Variants in WWOX observed in about 807,000 individuals in gnomAD.
The protein encoded by WWOX is WW domain-containing oxidoreductase.
Under a neutral mutation model 46.2 loss-of-function variants are expected in WWOX, and 69 were observed. That is an observed-to-expected ratio of 1.49 (90% confidence interval 1.23 to 1.82). The LOEUF is 1.82. Ranked by LOEUF, WWOX falls within the 40% of genes most tolerant of loss-of-function variation. The pLI is 0.00. For synonymous variants in WWOX, 359 were observed against 202.6 expected (o/e 1.77, Z -6.56); for missense variants, 919 against 542.6 (o/e 1.69, Z -6.89).
At chr16:78,211,665 C>T (rs1597357372) in intron 5 of WWOX, among the ~76,000 whole-genome samples, 2 of 152,140 alleles carry the variant, frequency 1.3e-5, no homozygotes, top group Admixed American at 1.3e-4. Context: ...AACTCTGTTA[C>T]CAACACCGTA....
intron 8 of WWOX, among the ~76,000 whole-genome samples, chr16:78,887,027 C>G (rs984971244): frequency 2.7e-5 from 4 of 149,704 alleles, no homozygotes; most frequent in Admixed American, 6.7e-5. Context: ...CAAACCTTTT[C>G]TGAAATTGGA....
intron 8 of WWOX, among the ~76,000 whole-genome samples, chr16:78,700,765 C>A (rs2048197776): frequency 6.6e-6 from 1 of 152,178 alleles, no homozygotes; most frequent in South Asian, 2.1e-4. Context: ...GAACAGCCAT[C>A]GCTAGCATGG....
intron 8 of WWOX, among the ~76,000 whole-genome samples, chr16:79,131,787 C>T (rs1292303252): frequency 6.6e-6 from 1 of 152,040 alleles, no homozygotes; most frequent in Non-Finnish European, 1.5e-5. Flanking sequence ...CATACCCTAG[C>T]CTGGGAAGAA....
intron 8 of WWOX, among the ~76,000 whole-genome samples, chr16:78,904,746 C>A (rs55760002): frequency 7.2e-5 from 11 of 152,174 alleles, no homozygotes; most frequent in Non-Finnish European, 1.3e-4. Context: ...TATCTATGAT[C>A]TGTCACACTT....
At chr16:78,862,416 G>T (rs1460325657) in intron 8 of WWOX, among the ~76,000 whole-genome samples, 1 of 150,850 alleles carries the variant, frequency 6.6e-6, no homozygotes, top group Non-Finnish European at 1.5e-5. Context: ...ACTATACACT[G>T]TGTACTAATA....
intron 8 of WWOX, among the ~76,000 whole-genome samples, chr16:78,645,533 C>T (rs1257908711): frequency 6.6e-6 from 1 of 151,976 alleles, no homozygotes; most frequent in African/African-American, 2.4e-5. Context: ...CTGATGAGGG[C>T]GTCAGGCAGC....
chr16:78,148,817 G>T (rs918066009), intron 4 of WWOX, among the ~76,000 whole-genome samples: 1 of 139,508 alleles, frequency 7.2e-6, no homozygotes, highest in Admixed American at 8.1e-5. Flanking sequence ...AGAATGGCGT[G>T]AACCTGGGAG....
intron 8 of WWOX, among the ~76,000 whole-genome samples, chr16:79,009,322 G>A (rs972583441): frequency 1.2e-4 from 18 of 152,156 alleles, no homozygotes; most frequent in Admixed American, 1.2e-3. Flanking sequence ...TTTGTGGCTG[G>A]GGCTGCTGCT....
At chr16:79,162,316 A>T (rs943688191) in intron 8 of WWOX, among the ~76,000 whole-genome samples, 1 of 152,240 alleles carries the variant, frequency 6.6e-6, no homozygotes, top group Admixed American at 6.5e-5. Context: ...TCTTCAAAGT[A>T]CAGTTTCCTG....
chr16:78,513,973 T>G (rs2085427576), intron 8 of WWOX, among the ~76,000 whole-genome samples: 1 of 148,684 alleles, frequency 6.7e-6, no homozygotes. Flanking sequence ...CTTGCAGGTG[T>G]CTGTTACAAG....
At chr16:78,421,923 A>C (rs543851763) in intron 6 of WWOX, among the ~76,000 whole-genome samples, 22 of 152,206 alleles carry the variant, frequency 1.4e-4, no homozygotes, top group Non-Finnish European at 2.5e-4. Flanking sequence ...CTCATGATAC[A>C]TGTTTTCAAC....
At chr16:78,461,709 C>T (rs979849030) in intron 8 of WWOX, among the ~76,000 whole-genome samples, 8 of 152,200 alleles carry the variant, frequency 5.3e-5, no homozygotes, top group South Asian at 2.1e-4. Context: ...CACTGCAAGT[C>T]GATTGGACAT....
intron 5 of WWOX, among the ~76,000 whole-genome samples, chr16:78,330,829 C>G (rs993690899): frequency 7.9e-5 from 12 of 152,236 alleles, no homozygotes; most frequent in Admixed American, 1.3e-4. Flanking sequence ...TACTTTCAAA[C>G]TTCCTCCTGG....
At chr16:78,777,928 C>G (rs918916035) in intron 8 of WWOX, among the ~76,000 whole-genome samples, 1 of 151,408 alleles carries the variant, frequency 6.6e-6, no homozygotes, top group African/African-American at 2.4e-5. Flanking sequence ...ACCTGTAGTT[C>G]CAACTGCTCA....
At chr16:79,206,764 C>G (rs118133623) in intron 8 of WWOX, 4 of 152,298 alleles carry the variant, frequency 2.6e-5, no homozygotes, top group Non-Finnish European at 5.9e-5. Context: ...ATAGAAGTAT[C>G]ACGGTGGAAG....
intron 8 of WWOX, among the ~76,000 whole-genome samples, chr16:78,438,162 A>C (rs1323046505): frequency 6.6e-6 from 1 of 152,192 alleles, no homozygotes; most frequent in East Asian, 1.9e-4. Flanking sequence ...ATGTATCAGC[A>C]TATATTTTCA....
intron 8 of WWOX, among the ~76,000 whole-genome samples, chr16:79,158,677 A>G (rs2050428609): frequency 6.6e-6 from 1 of 152,184 alleles, no homozygotes; most frequent in South Asian, 2.1e-4. Flanking sequence ...CCAGCTTTGC[A>G]CACCTGATTG....
chr16:78,977,894 G>A lies in WWOX; in HGVS notation c.1057-233714G>A, dbSNP rs185307666. ...TTTCCCCTACTTTTAAAAAATTGAG[G>A]TGAAATTCACATAATATAAGATTAA... is the stretch of plus-strand genomic sequence containing the variant. On this transcript the variant is annotated intron_variant, in intron 8 of 8. Transcript: ENST00000566780. Among the ~76,000 whole-genome samples the A allele has an allele frequency of 5.8e-4, 89 of 152,282 alleles. 1 individual carries two copies. Among genetic ancestry groups the A allele is most frequent in the Non-Finnish European group, 1.1e-3 (76 of 68,022 alleles).
chr16:78,406,570 C>G (rs1455712289), intron 6 of WWOX, among the ~76,000 whole-genome samples: 1 of 150,292 alleles, frequency 6.7e-6, no homozygotes, highest in Non-Finnish European at 1.5e-5. Flanking sequence ...AGGATGGTCT[C>G]AGTCTCCTGA....
Sources: allele counts gnomAD v4.1 joint callset (sites outside exome capture counted in the v4.1 genomes callset), GRCh38; gene constraint gnomAD v4.1.1; transcripts MANE v1.5; gene names NCBI Gene and HGNC (gene_info 2026-07-23, HGNC 2026-07-21).